Variants in GRM7 observed in about 807,000 individuals in gnomAD.
GRM7 encodes metabotropic glutamate receptor 7.
GRM7 carries 35 observed loss-of-function variants against 84.5 expected under a neutral mutation model. The ratio of observed to expected loss-of-function variants is 0.41; its 90% CI spans 0.32 to 0.55. GRM7 has a LOEUF of 0.55. GRM7 is among the 20% of genes least tolerant of loss of function. GRM7 has a pLI of 0.19. For synonymous variants in GRM7, 487 were observed against 455.1 expected, an observed-to-expected ratio of 1.07 and a Z score of -0.89; for missense variants, 1,003 against 1,194.6, an observed-to-expected ratio of 0.84 and a Z score of 2.36.
At chr3:7,091,153 T>A (rs1566367) in intron 1 of GRM7, among the ~76,000 whole-genome samples, 85,866 of 151,166 alleles carry the variant, frequency 0.57, 26,417 homozygotes, top group African/African-American at 0.83. Context: ...AGAATAGAGG[T>A]ATTTTATAGG....
chr3:6,987,403 A>T (rs1349312885), intron 1 of GRM7, among the ~76,000 whole-genome samples: 1 of 152,060 alleles, frequency 6.6e-6, no homozygotes, highest in African/African-American at 2.4e-5. Context: ...GAAGGACAAA[A>T]AAAAAAAAAA....
chr3:7,371,893 G>A (rs985725139), intron 4 of GRM7, among the ~76,000 whole-genome samples: 1 of 152,132 alleles, frequency 6.6e-6, no homozygotes, highest in African/African-American at 2.4e-5. Context: ...GGTGGGCGTG[G>A]TGGGTGTAGA....
At chr3:7,720,490 G>A (rs570775062) in intron 9 of GRM7, among the ~76,000 whole-genome samples, 17 of 152,226 alleles carry the variant, frequency 1.1e-4, no homozygotes, top group Admixed American at 9.8e-4. Context: ...TTGAATAGTG[G>A]AATCTTACCT....
At chr3:7,346,804 C>G (rs181393304) in intron 4 of GRM7, among the ~76,000 whole-genome samples, 9 of 152,246 alleles carry the variant, frequency 5.9e-5, no homozygotes, top group African/African-American at 2.2e-4. Context: ...CCCATTAGAT[C>G]TATTCTGATC....
intron 1 of GRM7, among the ~76,000 whole-genome samples, chr3:7,126,144 A>G (rs990469400): frequency 6.6e-6 from 1 of 152,150 alleles, no homozygotes; most frequent in African/African-American, 2.4e-5. Flanking sequence ...GGTTGTAAAG[A>G]TGGGCTATTT....
At chr3:7,512,093 G>C (rs1474061502) in intron 7 of GRM7, among the ~76,000 whole-genome samples, 1 of 152,086 alleles carries the variant, frequency 6.6e-6, no homozygotes, top group Non-Finnish European at 1.5e-5. Context: ...AGACTACAGT[G>C]AGATATGATT....
chr3:7,644,302 A>G (rs1698523011), intron 8 of GRM7, among the ~76,000 whole-genome samples: 1 of 152,100 alleles, frequency 6.6e-6, no homozygotes, highest in Admixed American at 6.6e-5. Flanking sequence ...ACAAGATGCC[A>G]AAAGAACACA....
chr3:7,572,374 G>A (rs1165689460), intron 7 of GRM7, among the ~76,000 whole-genome samples: 1 of 152,100 alleles, frequency 6.6e-6, no homozygotes, highest in African/African-American at 2.4e-5. Context: ...ATTCAAATGT[G>A]CAAACAAATT....
chr3:6,989,558 T>C (rs1694555232), intron 1 of GRM7, among the ~76,000 whole-genome samples: 1 of 152,218 alleles, frequency 6.6e-6, no homozygotes, highest in Admixed American at 6.5e-5. Context: ...AAATTGTCAA[T>C]CCTGATCATA....
intron 8 of GRM7, among the ~76,000 whole-genome samples, chr3:7,622,004 C>T (rs1173443849): frequency 2.6e-5 from 4 of 152,114 alleles, no homozygotes; most frequent in African/African-American, 4.8e-5. Context: ...TCTAAGTGTA[C>T]GTCTACATCC....
chr3:7,357,306 T>C (rs1693452900), intron 4 of GRM7, among the ~76,000 whole-genome samples: 1 of 152,002 alleles, frequency 6.6e-6, no homozygotes, highest in East Asian at 1.9e-4. Context: ...TAAGGCTCCA[T>C]GACACCACTC....
intron 1 of GRM7, among the ~76,000 whole-genome samples, chr3:6,959,641 G>C (rs1413233493): frequency 6.6e-6 from 1 of 152,102 alleles, no homozygotes; most frequent in Non-Finnish European, 1.5e-5. Flanking sequence ...ACCATGTTTA[G>C]TTACAAAGCA....
intron 9 of GRM7, among the ~76,000 whole-genome samples, chr3:7,736,680 G>C (rs1286451767): frequency 6.6e-6 from 1 of 152,102 alleles, no homozygotes; most frequent in Admixed American, 6.5e-5. Flanking sequence ...GGAGTGTAAA[G>C]GGCTTTGATT....
chr3:7,608,024 G>A (rs1471637221), intron 8 of GRM7: 1 of 348,432 alleles, frequency 2.9e-6, no homozygotes. Flanking sequence ...AAGGATAACA[G>A]CCTCCAGCTC....
Position 7,740,695 on chromosome 3 carries a change from A to C in GRM7, c.*289A>C. 3.4e-6 allele frequency: 1 copy of C among 298,268 alleles called. No homozygotes were observed. Among genetic ancestry groups the C allele is most frequent in the Non-Finnish European group, 6.1e-6 (1 of 163,102 alleles). The allele number at this position is 298,268 out of a possible 1,614,324, so 18.5% of individuals were successfully genotyped here. A position where few individuals can be genotyped will look rare whatever the true frequency, so the allele number is the denominator to read the frequency against. On this transcript the variant is annotated 3_prime_UTR_variant, in exon 10 of 10. Transcript: ENST00000357716. ...CTCAAGTCCCGCCCTGGCTCTTTAG[A>C]ATGGACCACTGAGAGCCACAGGACC...
chr3:7,344,252 A>C (rs964765838), intron 4 of GRM7, among the ~76,000 whole-genome samples: 4 of 151,720 alleles, frequency 2.6e-5, no homozygotes, highest in South Asian at 4.2e-4. Flanking sequence ...CCCACCCTCT[A>C]CCCTCTGACA....
chr3:6,945,749 G>A (rs1226234929), intron 1 of GRM7, among the ~76,000 whole-genome samples: 5 of 152,070 alleles, frequency 3.3e-5, no homozygotes, highest in African/African-American at 4.8e-5. Context: ...TTTAATGATC[G>A]CCATTCTAAC....
chr3:7,723,460 G>A (rs1702021205), intron 9 of GRM7, among the ~76,000 whole-genome samples: 1 of 152,098 alleles, frequency 6.6e-6, no homozygotes, highest in South Asian at 2.1e-4. Flanking sequence ...GTGCAAACAG[G>A]AATGGACAGT....
chr3:7,691,473 T>C (rs1700797691), intron 9 of GRM7: 1 of 276,496 alleles, frequency 3.6e-6, no homozygotes, highest in East Asian at 9.3e-5. Context: ...GATCTCTGAT[T>C]GTGGATAAGT....
Sources: gnomAD v4.1 joint callset for allele counts (sites outside exome capture counted in the v4.1 genomes callset) on GRCh38, gnomAD v4.1.1 for gene constraint, MANE v1.5 for transcripts, NCBI Gene and HGNC (gene_info 2026-07-23, HGNC 2026-07-21) for gene names.